The following TENM3 variants were observed in gnomAD, a reference collection of about 807,000 sequenced individuals.
TENM3 encodes teneurin-3.
A neutral mutation model predicts 255.1 loss-of-function variants in TENM3; 63 were observed. The ratio of observed to expected loss-of-function variants is 0.25; its 90% CI spans 0.20 to 0.30. The LOEUF (loss-of-function observed/expected upper bound fraction) is 0.30, where lower values mean the gene tolerates loss of function less well. TENM3 is among the 10% of genes least tolerant of loss of function. The probability of loss-of-function intolerance (pLI) is 1.00; values close to 1 mark genes in which losing one functional copy is unlikely to be tolerated. For missense variants in TENM3, 2,929 were observed against 3,461.1 expected, an observed-to-expected ratio of 0.85 and a Z score of 3.86; for synonymous variants, 1,306 against 1,322.3, an observed-to-expected ratio of 0.99 and a Z score of 0.27.
chr4:181,873,769 T>C, the TENM3 span, among the ~76,000 whole-genome samples: 2 of 150,222 alleles, frequency 1.3e-5, no homozygotes, highest in Non-Finnish European at 3.0e-5. Flanking sequence ...TGTGTGTGTG[T>C]GGTTTTTTGT....
chr4:181,954,636 C>T, the TENM3 span, among the ~76,000 whole-genome samples: 2 of 152,014 alleles, frequency 1.3e-5, no homozygotes, highest in African/African-American at 4.8e-5. Flanking sequence ...TTGTATGCTT[C>T]GGTTATATAT....
the TENM3 span, among the ~76,000 whole-genome samples, chr4:181,972,403 C>T: frequency 7.0e-6 from 1 of 143,252 alleles, no homozygotes; most frequent in African/African-American, 2.6e-5. Flanking sequence ...CCACTGCACT[C>T]CAACCCGGAT....
At chr4:182,518,570 G>A (rs1738238666) in intron 3 of TENM3, among the ~76,000 whole-genome samples, 1 of 152,012 alleles carries the variant, frequency 6.6e-6, no homozygotes, top group Non-Finnish European at 1.5e-5. Context: ...GAGAGAGGTG[G>A]CCTCTAGGGC....
intron 3 of TENM3, among the ~76,000 whole-genome samples, chr4:182,492,008 G>A (rs1735339942): frequency 6.6e-6 from 1 of 152,206 alleles, no homozygotes; most frequent in African/African-American, 2.4e-5. Context: ...GCAGTGGACT[G>A]CATCTACCCA....
intron 3 of TENM3, among the ~76,000 whole-genome samples, chr4:182,549,476 C>T (rs905400290): frequency 6.6e-6 from 1 of 152,014 alleles, no homozygotes; most frequent in African/African-American, 2.4e-5. Flanking sequence ...ACTCTTTAAG[C>T]GCTTAGCTTT....
intron 1 of TENM3, among the ~76,000 whole-genome samples, chr4:182,321,265 C>G (rs1359768147): frequency 6.6e-6 from 1 of 152,174 alleles, no homozygotes; most frequent in African/African-American, 2.4e-5. Flanking sequence ...CATTTATCCA[C>G]TCTTTGTCCT....
chr4:181,879,777 C>A, the TENM3 span, among the ~76,000 whole-genome samples: 7,595 of 152,218 alleles, frequency 0.05, 283 homozygotes, highest in East Asian at 0.22. Context: ...CTTATTCCCT[C>A]TCATAAAATT....
chr4:182,393,378 T>A (rs1768571610), intron 3 of TENM3, among the ~76,000 whole-genome samples: 1 of 152,134 alleles, frequency 6.6e-6, no homozygotes, highest in South Asian at 2.1e-4. Flanking sequence ...TCTTTAGACA[T>A]ACATACACAG....
the TENM3 span, among the ~76,000 whole-genome samples, chr4:181,546,579 T>G: frequency 7.1e-6 from 1 of 141,682 alleles, no homozygotes; most frequent in African/African-American, 2.6e-5. Flanking sequence ...CCGGGCGTGG[T>G]GGCGGACGCC....
At chr4:181,462,639 G>T in the TENM3 span, among the ~76,000 whole-genome samples, 3 of 152,288 alleles carry the variant, frequency 2.0e-5, no homozygotes, top group East Asian at 5.8e-4. Context: ...CCCAGAAGTA[G>T]AATTTTTTGT....
rs916641739 is a variant in TENM3 at position 182,280,316 on chromosome 4, T to C, written c.-76+36840T>C. 9.8e-5 allele frequency among the ~76,000 whole-genome samples: 15 copies of C among 152,330 alleles called. No individual in the cohort carries two copies. The East Asian group carries it at 2.7e-3, about 27-fold the overall frequency. On this transcript the variant is annotated intron_variant, in intron 1 of 27. Coordinates refer to ENST00000511685, the MANE Select transcript of TENM3 (RefSeq NM_001080477.4). ...TTTTGATTGCACTCTTTGAAAAATG[T>C]GTATTTTATTCAATATTTCTGTGTG...
rs138260661 is a variant in TENM3, at chr4:182,468,235, A to T, written c.511+121306A>T. Among the ~76,000 whole-genome samples, 105 of 152,232 alleles carry T rather than the reference A, an allele frequency of 6.9e-4. 3 individuals are homozygous for T. The East Asian group carries it at 0.02, about 29-fold the overall frequency. On this transcript the variant is annotated intron_variant, in intron 3 of 27. Coordinates refer to ENST00000511685, the MANE Select transcript of TENM3 (RefSeq NM_001080477.4). ...AGACTGTCTCTACAAAAAAATGCAAACTATTAAAAAGGCATTACATAACAA... is the reference window on the plus strand; with the variant it reads ...AGACTGTCTCTACAAAAAAATGCAATCTATTAAAAAGGCATTACATAACAA...
the TENM3 span, among the ~76,000 whole-genome samples, chr4:181,738,538 G>A: frequency 0.12 from 18,645 of 152,108 alleles, 1,395 homozygotes; most frequent in African/African-American, 0.21. Context: ...CAATGCTGAT[G>A]TTTTAGAATG....
At chr4:182,776,205 G>A (rs149293574) in intron 24 of TENM3, among the ~76,000 whole-genome samples, 1,960 of 152,276 alleles carry the variant, frequency 0.013, 45 homozygotes, top group African/African-American at 0.046. Flanking sequence ...TTGAGGTCAG[G>A]AGTTCGAGAC....
At chr4:182,796,245 C>A (rs1041732226) in intron 26 of TENM3, among the ~76,000 whole-genome samples, 5 of 152,234 alleles carry the variant, frequency 3.3e-5, no homozygotes, top group Admixed American at 6.5e-5. Flanking sequence ...TAATAACACA[C>A]AACTTCTATT....
chr4:181,734,086 A>G, the TENM3 span, among the ~76,000 whole-genome samples: 2 of 152,192 alleles, frequency 1.3e-5, no homozygotes, highest in South Asian at 2.1e-4. Context: ...TGCTTTTTCA[A>G]TCATCTTATG....
At chr4:182,390,252 G>A (rs918553513) in intron 3 of TENM3, among the ~76,000 whole-genome samples, 4 of 152,158 alleles carry the variant, frequency 2.6e-5, no homozygotes, top group African/African-American at 9.7e-5. Flanking sequence ...GTACTGCCCA[G>A]TCCCAGTGTT....
intron 22 of TENM3, among the ~76,000 whole-genome samples, chr4:182,770,480 C>A (rs1245351886): frequency 1.3e-5 from 2 of 152,202 alleles, no homozygotes; most frequent in African/African-American, 4.8e-5. Flanking sequence ...CCCACCCGGG[C>A]CCCTGCCTGA....
chr4:182,214,687 G>A (rs180892088), intron 1 of TENM3, among the ~76,000 whole-genome samples: 30 of 151,940 alleles, frequency 2.0e-4, no homozygotes, highest in Admixed American at 1.9e-3. Flanking sequence ...TTTTAAAAAC[G>A]CCCCTCATGA....
Sources: gnomAD v4.1 joint callset for allele counts (sites outside exome capture counted in the v4.1 genomes callset) on GRCh38, gnomAD v4.1.1 for gene constraint, MANE v1.5 for transcripts, NCBI Gene and HGNC (gene_info 2026-07-23, HGNC 2026-07-21) for gene names.